The following TAFA4 variants were observed in gnomAD, a reference collection of about 807,000 sequenced individuals.
TAFA4 encodes chemokine-like protein TAFA-4.
A neutral mutation model predicts 21.1 loss-of-function variants in TAFA4; 20 were observed. The ratio of observed to expected loss-of-function variants is 0.95; its 90% confidence interval spans 0.67 to 1.38. The LOEUF (loss-of-function observed/expected upper bound fraction) is 1.38, where lower values mean the gene tolerates loss of function less well. Among genes scored for constraint, TAFA4 ranks in the 40% most tolerant of loss-of-function variants. TAFA4 has a pLI of 0.00. For synonymous variants in TAFA4, 71 were observed against 67.4 expected (o/e 1.05, Z -0.26); for missense variants, 211 against 180.9 (o/e 1.17, Z -0.95).
chr3:68,885,972 C>A (rs1004395061), intron 1 of TAFA4, among the ~76,000 whole-genome samples: 1 of 152,018 alleles, frequency 6.6e-6, no homozygotes, highest in Non-Finnish European at 1.5e-5. Flanking sequence ...CTAAAGCAAA[C>A]ACATCTTAAG....
At chr3:68,857,734 TC>T (rs1410419012) in intron 3 of TAFA4, among the ~76,000 whole-genome samples, 1 of 151,662 alleles carries the variant, frequency 6.6e-6, no homozygotes, top group Non-Finnish European at 1.5e-5. Flanking sequence ...TCAAGACTGT[TC>T]CGACCAATGA....
chr3:68,831,531 A>G (rs1460845950), intron 3 of TAFA4, among the ~76,000 whole-genome samples: 1 of 152,080 alleles, frequency 6.6e-6, no homozygotes, highest in African/African-American at 2.4e-5. Context: ...TCTGGATTGT[A>G]GGGTTTCTGC....
chr3:68,738,948 A>G (rs1702293226), intron 5 of TAFA4, 127 bp downstream of exon 5: 1 of 1,345,970 alleles, frequency 7.4e-7, no homozygotes, highest in African/African-American at 1.5e-5. Context: ...CAAATCCGTA[A>G]GGTAGCACTG....
chr3:68,756,641 G>A (rs1214457966), intron 3 of TAFA4, among the ~76,000 whole-genome samples: 1 of 152,138 alleles, frequency 6.6e-6, no homozygotes, highest in African/African-American at 2.4e-5. Context: ...GAGAACAAAT[G>A]CTAAGGCGAA....
chr3:68,895,685 T>C (rs1468099366), intron 1 of TAFA4, among the ~76,000 whole-genome samples: 1 of 152,144 alleles, frequency 6.6e-6, no homozygotes. Context: ...CTCTGCATGA[T>C]TAATTCAACA....
chr3:68,750,714 T>C (rs1702543763), intron 4 of TAFA4, among the ~76,000 whole-genome samples: 1 of 152,222 alleles, frequency 6.6e-6, no homozygotes, highest in South Asian at 2.1e-4. Flanking sequence ...CAGTACTTTT[T>C]AGGTACCAAT....
At chr3:68,926,631 G>A (rs552380068) in intron 1 of TAFA4, among the ~76,000 whole-genome samples, 92 of 152,058 alleles carry the variant, frequency 6.1e-4, no homozygotes, top group African/African-American at 2.0e-3. Context: ...AATTCTTTGC[G>A]GCCAGGCGTG....
chr3:68,825,754 G>C (rs539022102), intron 3 of TAFA4, among the ~76,000 whole-genome samples: 1 of 152,270 alleles, frequency 6.6e-6, no homozygotes, highest in South Asian at 2.1e-4. Flanking sequence ...CATATCTCAG[G>C]TCAAATCTGT....
intron 3 of TAFA4, among the ~76,000 whole-genome samples, chr3:68,863,320 G>A (rs905639891): frequency 1.3e-4 from 20 of 152,048 alleles, no homozygotes; most frequent in African/African-American, 4.8e-4. Context: ...CTTAAACACC[G>A]ATTTCAAAAA....
intron 3 of TAFA4, among the ~76,000 whole-genome samples, chr3:68,838,969 G>C (rs115201110): frequency 5.9e-5 from 9 of 152,076 alleles, no homozygotes. Context: ...ATGGTGAGGC[G>C]CACCTGTAGT....
At chr3:68,889,748 G>T (rs2089712331) in intron 1 of TAFA4, among the ~76,000 whole-genome samples, 1 of 152,096 alleles carries the variant, frequency 6.6e-6, no homozygotes, top group Non-Finnish European at 1.5e-5. Context: ...TAATTTCTCT[G>T]CATTCCTAAA....
At chr3:68,849,005 T>C (rs1704878104) in intron 3 of TAFA4, among the ~76,000 whole-genome samples, 1 of 152,126 alleles carries the variant, frequency 6.6e-6, no homozygotes, top group East Asian at 1.9e-4. Flanking sequence ...AATAAATAGA[T>C]TTCCTACACC....
intron 1 of TAFA4, among the ~76,000 whole-genome samples, chr3:68,907,128 A>G (rs546236141): frequency 8.0e-4 from 121 of 151,894 alleles, no homozygotes; most frequent in African/African-American, 2.8e-3. Flanking sequence ...TACACCCATC[A>G]TGAAAAGGTT....
intron 3 of TAFA4, among the ~76,000 whole-genome samples, chr3:68,848,572 G>A (rs1704867100): frequency 2.6e-5 from 4 of 152,162 alleles, no homozygotes; most frequent in African/African-American, 7.2e-5. Context: ...TCACCTTGGT[G>A]GCAATGATAC....
intron 3 of TAFA4, among the ~76,000 whole-genome samples, chr3:68,760,352 G>A (rs779858936): frequency 2.0e-5 from 3 of 152,120 alleles, no homozygotes; most frequent in Admixed American, 2.0e-4. Flanking sequence ...TTTCTATTGT[G>A]AAAGGGACAA....
At chr3:68,903,989 T>C (rs1466388439) in intron 1 of TAFA4, among the ~76,000 whole-genome samples, 1 of 151,528 alleles carries the variant, frequency 6.6e-6, no homozygotes, top group Non-Finnish European at 1.5e-5. Context: ...TGACAGATGA[T>C]GCAATGACTT....
intron 3 of TAFA4, among the ~76,000 whole-genome samples, chr3:68,808,236 C>T (rs555581427): frequency 3.8e-4 from 58 of 152,218 alleles, no homozygotes; most frequent in African/African-American, 1.3e-3. Context: ...CATGAGCAAG[C>T]CCCTAAAAAT....
chr3:68,887,161 C>T (rs895269754), intron 1 of TAFA4, among the ~76,000 whole-genome samples: 1 of 152,162 alleles, frequency 6.6e-6, no homozygotes, highest in South Asian at 2.1e-4. Context: ...ACAGACATTC[C>T]CATTCCAAAA....
intron 3 of TAFA4, among the ~76,000 whole-genome samples, chr3:68,784,096 T>C (rs1418496611): frequency 6.6e-6 from 1 of 152,216 alleles, no homozygotes; most frequent in East Asian, 1.9e-4. Context: ...CACAGATTGC[T>C]TGTCATCATA....
Sources: gnomAD v4.1 joint callset for allele counts (sites outside exome capture counted in the v4.1 genomes callset) on GRCh38, gnomAD v4.1.1 for gene constraint, MANE v1.5 for transcripts, NCBI Gene and HGNC (gene_info 2026-07-23, HGNC 2026-07-21) for gene names.